The following RARB variants were observed in gnomAD, a reference collection of about 807,000 sequenced individuals.
RARB encodes the protein retinoic acid receptor beta, also known as HBV-activated protein.
Under a neutral mutation model 51.9 loss-of-function variants are expected in RARB, and 17 were observed. That is an observed-to-expected ratio of 0.33 (90% confidence interval 0.22 to 0.49). The LOEUF is 0.49. Ranked by LOEUF, RARB falls within the 20% of genes least tolerant of loss-of-function variation. The pLI is 0.99. For missense variants in RARB, 369 were observed against 550.8 expected (o/e 0.67, Z 3.30); for synonymous variants, 215 against 195.4 (o/e 1.10, Z -0.84).
At chr3:25,042,285 A>G (rs957785163) in intron 2 of RARB, among the ~76,000 whole-genome samples, 1 of 152,248 alleles carries the variant, frequency 6.6e-6, no homozygotes, top group Non-Finnish European at 1.5e-5. Context: ...TCTACTAATT[A>G]AACAGATATG....
At chr3:24,906,835 A>T (rs1379531598) in intron 2 of RARB, among the ~76,000 whole-genome samples, 2 of 115,112 alleles carry the variant, frequency 1.7e-5, no homozygotes, top group Non-Finnish European at 1.7e-5. Flanking sequence ...ACAGAATGAG[A>T]TTCCGTCTCA....
At chr3:24,875,227 C>G (rs981420330) in intron 2 of RARB, among the ~76,000 whole-genome samples, 1 of 151,998 alleles carries the variant, frequency 6.6e-6, no homozygotes, top group Non-Finnish European at 1.5e-5. Flanking sequence ...TTTAGTGAAC[C>G]AACTGTATTG....
intron 3 of RARB, among the ~76,000 whole-genome samples, chr3:25,534,678 A>G (rs1385430593): frequency 6.6e-6 from 1 of 151,794 alleles, no homozygotes; most frequent in African/African-American, 2.4e-5. Flanking sequence ...TTTTTTTTTC[A>G]GAAGAAACTT....
chr3:24,864,214 C>T lies in RARB; in HGVS notation c.-380+5462C>T, dbSNP rs931557095. Among the ~76,000 whole-genome samples, 13 of 152,186 alleles carry T rather than the reference C, an allele frequency of 8.5e-5. 1 individual carries two copies. Among genetic ancestry groups the T allele is most frequent in the South Asian group, 4.1e-4 (2 of 4,834 alleles). ...ATGATGGCATTCAAGTTGTATAACA[C>T]GGCAGGGGCTGGAACTGTTGGTATC... On this transcript the variant is annotated intron_variant, in intron 2 of 11. Coordinates refer to the RARB transcript ENST00000383772.
At chr3:24,956,689 T>C (rs1035456291) in intron 2 of RARB, among the ~76,000 whole-genome samples, 2 of 152,218 alleles carry the variant, frequency 1.3e-5, no homozygotes, top group Admixed American at 6.5e-5. Context: ...TATAATTTTG[T>C]CTCAAGTCTA....
At chr3:24,963,950 G>GTA (rs748802755) in intron 2 of RARB, among the ~76,000 whole-genome samples, 32 of 152,222 alleles carry the variant, frequency 2.1e-4, no homozygotes, top group Middle Eastern at 3.4e-3. Flanking sequence ...GAATCGCCTT[G>GTA]TATATAATCT....
At chr3:24,972,299 T>A (rs1696417559) in intron 2 of RARB, among the ~76,000 whole-genome samples, 1 of 151,738 alleles carries the variant, frequency 6.6e-6, no homozygotes, top group African/African-American at 2.4e-5. Flanking sequence ...TCGATTTGTG[T>A]TGCTGCAAAT....
chr3:25,147,651 T>C (rs1700216520), intron 4 of RARB, among the ~76,000 whole-genome samples: 1 of 152,190 alleles, frequency 6.6e-6, no homozygotes, highest in South Asian at 2.1e-4. Context: ...ATATAAGACC[T>C]GACATTTGTT....
chr3:25,412,888 G>A (rs975038028), intron 5 of RARB, among the ~76,000 whole-genome samples: 1 of 152,002 alleles, frequency 6.6e-6, no homozygotes, highest in South Asian at 2.1e-4. Context: ...GCATGGTGGC[G>A]CATGCCTGTA....
intron 5 of RARB, among the ~76,000 whole-genome samples, chr3:25,288,466 C>T (rs773668980): frequency 2.6e-5 from 4 of 152,242 alleles, no homozygotes; most frequent in East Asian, 1.9e-4. Flanking sequence ...TGGTGCAGAA[C>T]GTTCTTGGTA....
chr3:25,036,736 G>C (rs1326138919), intron 2 of RARB, among the ~76,000 whole-genome samples: 1 of 152,078 alleles, frequency 6.6e-6, no homozygotes, highest in African/African-American at 2.4e-5. Flanking sequence ...CAATGGTCTG[G>C]TTAGGATGTC....
chr3:25,114,129 A>AG (rs1237551137), intron 3 of RARB, among the ~76,000 whole-genome samples: 2 of 152,200 alleles, frequency 1.3e-5, no homozygotes, highest in East Asian at 1.9e-4. Flanking sequence ...GGAGAGGTAG[A>AG]GGTGGGGTAA....
Position 25,577,250 on chromosome 3 carries a change from G to C in RARB, c.610-3296G>C, listed in dbSNP as rs145468667. The stretch of plus-strand genomic sequence containing the variant: ...AATGATTGCACTTCTGTGGGCCTTC[G>C]CTTCCTCATCAGCCAAATGGGGACC... On this transcript the variant is annotated intron_variant, in intron 4 of 7. Coordinates refer to ENST00000330688, the MANE Select transcript of RARB (RefSeq NM_000965.5). Among the ~76,000 whole-genome samples the C allele has an allele frequency of 9.7e-4, 147 of 152,312 alleles. 2 individuals carry two copies. The highest frequency in any genetic ancestry group is 6.8e-3 in the Middle Eastern group (2 of 294).
intron 3 of RARB, among the ~76,000 whole-genome samples, chr3:25,092,255 T>C (rs150835193): frequency 3.3e-5 from 5 of 152,322 alleles, no homozygotes; most frequent in African/African-American, 1.2e-4. Context: ...TTGCAAACTA[T>C]TGTGATGTTT....
intron 5 of RARB, among the ~76,000 whole-genome samples, chr3:25,223,484 A>G (rs1367566486): frequency 6.6e-6 from 1 of 152,168 alleles, no homozygotes; most frequent in Non-Finnish European, 1.5e-5. Flanking sequence ...TTCTATTCCA[A>G]TATATTTTTT....
chr3:25,203,985 G>C (rs1222932530), intron 5 of RARB, among the ~76,000 whole-genome samples: 1 of 152,120 alleles, frequency 6.6e-6, no homozygotes, highest in Non-Finnish European at 1.5e-5. Context: ...TGCCTTGCTA[G>C]GTTGGGGAAG....
chr3:25,191,774 T>C (rs1297820524), intron 5 of RARB, among the ~76,000 whole-genome samples: 2 of 152,116 alleles, frequency 1.3e-5, no homozygotes, highest in African/African-American at 4.8e-5. Context: ...GATTAAAATA[T>C]CTATAATCCA....
At chr3:25,176,339 TTCCTTCCTTCCTTCCTTCCTTCCTTCC>T (rs1700747383) in intron 5 of RARB, among the ~76,000 whole-genome samples, 1,202 of 71,488 alleles carry the variant, frequency 0.017, 46 homozygotes, top group South Asian at 0.06. Context: ...CTTTCTTTCC[TTCCTTCCTTCCTTCCTTCCTTCCTTCC>T]TTCCTTCCTT....
chr3:25,478,521 C>T (rs1024079308), intron 2 of RARB, among the ~76,000 whole-genome samples: 5 of 152,186 alleles, frequency 3.3e-5, no homozygotes, highest in Admixed American at 6.5e-5. Context: ...GTTCCCACCA[C>T]CCATCTTGCC....
Sources: allele counts gnomAD v4.1 joint callset (sites outside exome capture counted in the v4.1 genomes callset), GRCh38; gene constraint gnomAD v4.1.1; transcripts MANE v1.5; gene names NCBI Gene and HGNC (gene_info 2026-07-23, HGNC 2026-07-21).